SH3D19: variants seen among roughly 807,000 people sequenced by gnomAD.
SH3D19 encodes SH3 domain-containing protein 19.
In SH3D19, 58 loss-of-function variants were observed where a neutral mutation model predicts 112.1. The observed-to-expected ratio is 0.52, with a 90% CI of 0.42 to 0.64. The LOEUF (loss-of-function observed/expected upper bound fraction) is 0.64, where lower values mean the gene tolerates loss of function less well. Among genes scored for constraint, SH3D19 ranks in the 30% least tolerant of loss-of-function variants. SH3D19 has a pLI of 0.00. For synonymous variants in SH3D19, 391 were observed against 448.5 expected (o/e 0.87, Z 1.62); for missense variants, 1,090 against 1,263.4 (o/e 0.86, Z 2.08).
At chr4:151,298,723 C>T (rs774156514) in intron 1 of SH3D19, among the ~76,000 whole-genome samples, 2 of 152,134 alleles carry the variant, frequency 1.3e-5, no homozygotes, top group African/African-American at 2.4e-5. Context: ...TGCACATTTA[C>T]AATATTTTTT....
At chr4:151,218,730 CT>C (rs74575144) in intron 2 of SH3D19, among the ~76,000 whole-genome samples, 8,378 of 152,252 alleles carry the variant, frequency 0.055, 351 homozygotes, top group East Asian at 0.19. Flanking sequence ...CTATTTATGA[CT>C]TCCGCACATC....
chr4:151,226,200 G>C (rs532641951), intron 1 of SH3D19, 114 bp from the exon 2 acceptor site: 1 of 1,227,888 alleles, frequency 8.1e-7, no homozygotes, highest in Non-Finnish European at 1.0e-6. Context: ...TTCAAAGGTA[G>C]TTGTGTCTTC....
chr4:151,147,886 C>T (rs376582255), intron 11 of SH3D19, 36 bp downstream of exon 11: 1 of 1,562,594 alleles, frequency 6.4e-7, no homozygotes, highest in Non-Finnish European at 8.6e-7. Flanking sequence ...TAGGGCACAC[C>T]TCTTGACCAC....
At chr4:151,289,407 C>T (rs984497667) in intron 1 of SH3D19, among the ~76,000 whole-genome samples, 1 of 152,120 alleles carries the variant, frequency 6.6e-6, no homozygotes, top group East Asian at 1.9e-4. Context: ...AACTTTTATG[C>T]TTCAATGGAC....
intron 16 of SH3D19, 124 bp from the exon 17 acceptor site, chr4:151,132,507 CTTCATGTATTGTCTATGTTGCG>C (rs1750942575): frequency 1.3e-6 from 1 of 759,056 alleles, no homozygotes; most frequent in Non-Finnish European, 2.2e-6. Context: ...ACTCCGGTCT[CTTCATGTATTGTCTATGTTGCG>C]TTAACCTGTA....
At chr4:151,278,291 C>CAG (rs766105313) in intron 1 of SH3D19, among the ~76,000 whole-genome samples, 3 of 151,528 alleles carry the variant, frequency 2.0e-5, no homozygotes, top group Admixed American at 2.0e-4. Flanking sequence ...TTTTAAGAGA[C>CAG]AGAGTCTCAC....
Position 151,325,531 on chromosome 4 carries a change from G to A in SH3D19, c.-179C>T, listed in dbSNP as rs532834144. The A allele has an allele frequency of 6.3e-5, 19 of 302,934 alleles. No individual in the cohort carries two copies. The highest frequency in any genetic ancestry group is 3.5e-4 in the African/African-American group (16 of 45,384). 18.8% of individuals were successfully genotyped at this position (302,934 alleles called of 1,614,324 possible). On this transcript the variant is annotated 5_prime_UTR_variant, in exon 1 of 20. Transcript: ENST00000604030. ...ACCTCCGCGAACTCCACCTGCAGCC[G>A]GCCGGGCAGCGGCAGGGCGCGGGCC... is the stretch of plus-strand genomic sequence containing the variant.
chr4:151,291,148 A>G, intron 1 of SH3D19: 1 of 1,613,534 alleles, frequency 6.2e-7, no homozygotes. Context: ...GTCGTGTCAC[A>G]TTGATGGTGT....
At chr4:151,272,303 G>C (rs1283091261) in intron 1 of SH3D19, among the ~76,000 whole-genome samples, 2 of 152,304 alleles carry the variant, frequency 1.3e-5, no homozygotes, top group East Asian at 3.9e-4. Context: ...TTAGGGAAAA[G>C]ATGACTTGCT....
intron 13 of SH3D19, 106 bp from the exon 14 acceptor site, chr4:151,137,968 C>A (rs1752195000): frequency 1.1e-6 from 1 of 869,906 alleles, no homozygotes. Flanking sequence ...TTATGTTCCA[C>A]TGATTCTGAG....
At chr4:151,133,520 G>A (rs1017928065) in intron 15 of SH3D19, among the ~76,000 whole-genome samples, 1 of 152,242 alleles carries the variant, frequency 6.6e-6, no homozygotes, top group Admixed American at 6.5e-5. Flanking sequence ...CCCAGTCTCC[G>A]TATGTTTGTA....
intron 1 of SH3D19, among the ~76,000 whole-genome samples, chr4:151,229,289 AT>A (rs978933263): frequency 2.1e-4 from 32 of 152,226 alleles, no homozygotes; most frequent in African/African-American, 7.0e-4. Flanking sequence ...AAGTCTCATC[AT>A]TTCTATGAAA....
intron 1 of SH3D19, among the ~76,000 whole-genome samples, chr4:151,257,063 T>A (rs912222585): frequency 6.6e-5 from 10 of 150,534 alleles, no homozygotes; most frequent in African/African-American, 2.2e-4. Context: ...TTTCTTTTCT[T>A]CTTATTTATT....
At chr4:151,147,575 C>G (rs749271787) in intron 11 of SH3D19, among the ~76,000 whole-genome samples, 3 of 152,212 alleles carry the variant, frequency 2.0e-5, no homozygotes, top group Non-Finnish European at 4.4e-5. Context: ...AATTCTCATG[C>G]CTCAGCCTCC....
intron 2 of SH3D19, among the ~76,000 whole-genome samples, chr4:151,201,233 A>G (rs1162979682): frequency 2.6e-5 from 4 of 152,214 alleles, no homozygotes; most frequent in Non-Finnish European, 5.9e-5. Flanking sequence ...GTTCAAAGTC[A>G]CATGTAGATG....
At chr4:151,273,922 G>A (rs1419216184) in intron 1 of SH3D19, among the ~76,000 whole-genome samples, 1 of 152,098 alleles carries the variant, frequency 6.6e-6, no homozygotes. Flanking sequence ...TTTCTTCAAT[G>A]AAACGAGCTG....
intron 1 of SH3D19, chr4:151,226,713 A>G (rs944890027): frequency 1.3e-5 from 2 of 153,364 alleles, no homozygotes; most frequent in African/African-American, 4.8e-5. Flanking sequence ...TAAAGATCCT[A>G]CAATGCATAG....
chr4:151,325,514 G>T lies in SH3D19; in HGVS notation c.-162C>A. 3.2e-6 allele frequency: 1 copy of T among 313,894 alleles called. No homozygotes were observed. Among genetic ancestry groups the T allele is most frequent in the Non-Finnish European group, 5.7e-6 (1 of 174,062 alleles). The allele number at this position is 313,894 out of a possible 1,614,324, so 19.4% of individuals were successfully genotyped here. On this transcript the variant is annotated 5_prime_UTR_variant, in exon 1 of 20. Transcript: ENST00000604030. ...CGGCTGTGGAAATGGCCACCTCCGC[G>T]AACTCCACCTGCAGCCGGCCGGGCA...
In SH3D19 at chr4:151,240,110, A is replaced by ATT. The variant is rs34566066; in HGVS notation, c.113-14026_113-14025dup. ...GGAGATCCTATCGCTACCAAAAGAA[A>ATT]TTTTTTTTAATTAGCTGGGCACAAT... On this transcript the variant is annotated intron_variant, in intron 1 of 19. Transcript: ENST00000604030. Among the ~76,000 whole-genome samples the ATT allele has an allele frequency of 3.3e-5, 5 of 151,790 alleles. No homozygotes were observed. In the East Asian group the frequency reaches 5.8e-4, roughly 18 times the overall value.
Sources: allele counts gnomAD v4.1 joint callset (sites outside exome capture counted in the v4.1 genomes callset), GRCh38; gene constraint gnomAD v4.1.1; transcripts MANE v1.5; gene names NCBI Gene and HGNC (gene_info 2026-07-23, HGNC 2026-07-21).